Variants in PPP2R5E observed in about 807,000 individuals in gnomAD.
PPP2R5E encodes serine/threonine-protein phosphatase 2A 56 kDa regulatory subunit epsilon isoform.
Under a neutral mutation model 65.3 loss-of-function variants are expected in PPP2R5E, and 4 were observed. The observed-to-expected ratio is 0.06, with a 90% CI of 0.03 to 0.14. The LOEUF (loss-of-function observed/expected upper bound fraction) is 0.14. PPP2R5E is among the 10% of genes least tolerant of loss of function. The probability of loss-of-function intolerance (pLI) is 1.00; values close to 1 mark genes in which losing one functional copy is unlikely to be tolerated. For synonymous variants in PPP2R5E, 183 were observed against 187.4 expected, an observed-to-expected ratio of 0.98 and a Z score of 0.19; for missense variants, 274 against 556.1, an observed-to-expected ratio of 0.49 and a Z score of 5.10.
At chr14:63,540,204 G>C (rs914101040) in intron 1 of PPP2R5E, among the ~76,000 whole-genome samples, 1 of 151,922 alleles carries the variant, frequency 6.6e-6, no homozygotes, top group African/African-American at 2.4e-5. Context: ...GCCGAGGTGG[G>C]TGGATCACTT....
At position 63,375,836 on chromosome 14, in the gene PPP2R5E, T is replaced by C. The variant is rs747617550; in HGVS notation, c.*173A>G. Reference sequence around the variant, plus strand: ...CTACTGTCCAAACTTTGGATTGAAGTCCTTATTTTGTTTTTTCCTTTACTT... The same window carrying C: ...CTACTGTCCAAACTTTGGATTGAAGCCCTTATTTTGTTTTTTCCTTTACTT... On this transcript the variant is annotated 3_prime_UTR_variant, in exon 14 of 14. Transcript: ENST00000337537. 2.4e-6 allele frequency: 1 copy of C among 420,854 alleles called. No homozygotes were observed. The highest frequency in any genetic ancestry group is 4.2e-6 in the Non-Finnish European group (1 of 238,576). The allele number at this position is 420,854 out of a possible 1,614,324, so 26.1% of individuals were successfully genotyped here. A position where few individuals can be genotyped will look rare whatever the true frequency, so the allele number is the denominator to read the frequency against.
chr14:63,436,676 C>G (rs970094717), intron 3 of PPP2R5E, among the ~76,000 whole-genome samples: 1 of 152,210 alleles, frequency 6.6e-6, no homozygotes, highest in Non-Finnish European at 1.5e-5. Context: ...CAGGGGAAGA[C>G]AGGACAGCCA....
chr14:63,531,054 T>G (rs1191897968), intron 2 of PPP2R5E, among the ~76,000 whole-genome samples: 1 of 152,176 alleles, frequency 6.6e-6, no homozygotes, highest in South Asian at 2.1e-4. Context: ...CTGGGTACAA[T>G]CTTTCATAAA....
intron 2 of PPP2R5E, among the ~76,000 whole-genome samples, chr14:63,487,695 A>C (rs1891065185): frequency 6.6e-6 from 1 of 152,224 alleles, no homozygotes; most frequent in South Asian, 2.1e-4. Context: ...TAAACCCAGT[A>C]ATAATCTCAA....
intron 4 of PPP2R5E, among the ~76,000 whole-genome samples, chr14:63,421,709 G>A (rs901565801): frequency 2.0e-5 from 3 of 152,174 alleles, no homozygotes; most frequent in Admixed American, 2.0e-4. Flanking sequence ...TTTGTTGGAG[G>A]CTCTAGAGGG....
chr14:63,491,362 C>G (rs1390282991), intron 2 of PPP2R5E, among the ~76,000 whole-genome samples: 17 of 151,404 alleles, frequency 1.1e-4, no homozygotes, highest in African/African-American at 4.1e-4. Context: ...ACGTGGACTC[C>G]CTGAATCTAT....
intron 4 of PPP2R5E, among the ~76,000 whole-genome samples, chr14:63,418,933 G>A (rs891282471): frequency 5.0e-5 from 7 of 139,684 alleles, no homozygotes; most frequent in African/African-American, 1.6e-4. Flanking sequence ...TGCAGCCTCC[G>A]CCTCCCAGGT....
chr14:63,494,770 C>G (rs1891457993), intron 2 of PPP2R5E, among the ~76,000 whole-genome samples: 1 of 151,920 alleles, frequency 6.6e-6, no homozygotes, highest in Non-Finnish European at 1.5e-5. Flanking sequence ...TGGTGCGTGC[C>G]TGTAGTTACC....
intron 3 of PPP2R5E, among the ~76,000 whole-genome samples, chr14:63,448,508 T>C (rs1311642750): frequency 6.6e-6 from 1 of 151,082 alleles, no homozygotes; most frequent in Non-Finnish European, 1.5e-5. Context: ...ACCTTCAATT[T>C]GTTTGGGCAC....
chr14:63,520,196 C>T (rs1325255206), intron 2 of PPP2R5E, among the ~76,000 whole-genome samples: 2 of 151,958 alleles, frequency 1.3e-5, no homozygotes, highest in Non-Finnish European at 2.9e-5. Context: ...CCACCACGCC[C>T]GGCTAATTTT....
chr14:63,451,327 T>G (rs1486705821), intron 3 of PPP2R5E: 1 of 152,244 alleles, frequency 6.6e-6, no homozygotes, highest in Non-Finnish European at 1.5e-5. Flanking sequence ...TGTCCTTCAG[T>G]AGGTGAATGG....
intron 2 of PPP2R5E, among the ~76,000 whole-genome samples, chr14:63,468,490 T>A (rs1339382203): frequency 1.3e-5 from 2 of 152,206 alleles, no homozygotes; most frequent in African/African-American, 4.8e-5. Context: ...ATCAGCAACG[T>A]GTCAAACTCC....
chr14:63,407,430 T>C (rs1467891473), intron 5 of PPP2R5E, among the ~76,000 whole-genome samples: 1 of 152,162 alleles, frequency 6.6e-6, no homozygotes, highest in Admixed American at 6.5e-5. Flanking sequence ...CATACAAAAA[T>C]AGTCTTAGGA....
At chr14:63,508,400 T>C (rs757825603) in intron 2 of PPP2R5E, among the ~76,000 whole-genome samples, 5 of 152,224 alleles carry the variant, frequency 3.3e-5, no homozygotes, top group Non-Finnish European at 4.4e-5. Flanking sequence ...TGGGTGCCCA[T>C]TTAAGCCCTT....
intron 3 of PPP2R5E, among the ~76,000 whole-genome samples, chr14:63,434,528 T>G (rs1283846390): frequency 6.6e-6 from 1 of 152,208 alleles, no homozygotes; most frequent in Non-Finnish European, 1.5e-5. Flanking sequence ...CAGCCCTTAG[T>G]ATGCTGCTCT....
At chr14:63,389,957 G>GTA in intron 10 of PPP2R5E, among the ~76,000 whole-genome samples, 1 of 152,034 alleles carries the variant, frequency 6.6e-6, no homozygotes, top group East Asian at 1.9e-4. Flanking sequence ...ACTCTACTTG[G>GTA]TATATATATT....
intron 3 of PPP2R5E, among the ~76,000 whole-genome samples, chr14:63,442,581 G>A (rs918420230): frequency 6.6e-6 from 1 of 152,168 alleles, no homozygotes; most frequent in Non-Finnish European, 1.5e-5. Context: ...GACAGAGAGA[G>A]AGACACAGAG....
intron 2 of PPP2R5E, among the ~76,000 whole-genome samples, chr14:63,461,321 G>C (rs570086707): frequency 1.4e-3 from 207 of 150,396 alleles, no homozygotes; most frequent in Non-Finnish European, 2.5e-3. Flanking sequence ...TTTTGAGGAT[G>C]TTACGTGCCA....
chr14:63,530,955 T>C (rs1452336626), intron 2 of PPP2R5E, among the ~76,000 whole-genome samples: 1 of 152,164 alleles, frequency 6.6e-6, no homozygotes, highest in Admixed American at 6.5e-5. Context: ...TACAATAATT[T>C]TACCTATGCT....
Sources: gnomAD v4.1 joint callset for allele counts (sites outside exome capture counted in the v4.1 genomes callset) on GRCh38, gnomAD v4.1.1 for gene constraint, MANE v1.5 for transcripts, NCBI Gene and HGNC (gene_info 2026-07-23, HGNC 2026-07-21) for gene names.